The following HNRNPM variants were observed in gnomAD, a reference collection of about 807,000 sequenced individuals.
HNRNPM encodes heterogeneous nuclear ribonucleoprotein M, also known as CEA receptor.
Under a neutral mutation model 73.1 loss-of-function variants are expected in HNRNPM, and 11 were observed. That is an observed-to-expected ratio of 0.15 (90% CI 0.09 to 0.25). The LOEUF (loss-of-function observed/expected upper bound fraction) is 0.25. Ranked by LOEUF, HNRNPM falls within the 10% of genes least tolerant of loss-of-function variation. HNRNPM has a pLI of 1.00. For missense variants in HNRNPM, 789 were observed against 1,067.9 expected, an observed-to-expected ratio of 0.74 and a Z score of 3.64; for synonymous variants, 407 against 355.2, an observed-to-expected ratio of 1.15 and a Z score of -1.64.
At chr19:8,445,221 C>T in intron 1 of HNRNPM, 110 bp downstream of exon 1, 1 of 960,210 alleles carries the variant, frequency 1.0e-6, no homozygotes, top group Non-Finnish European at 1.4e-6. Context: ...GGCCTCGGCC[C>T]CGGCTGTTCC....
At chr19:8,466,540 G>A in intron 7 of HNRNPM, 152 bp downstream of exon 7, 1 of 843,080 alleles carries the variant, frequency 1.2e-6, no homozygotes. Flanking sequence ...GAGGTTCTCT[G>A]GGCCGGACCG....
chr19:8,459,647 CTT>C (rs1236317874), intron 2 of HNRNPM, among the ~76,000 whole-genome samples: 1 of 152,156 alleles, frequency 6.6e-6, no homozygotes, highest in Non-Finnish European at 1.5e-5. Flanking sequence ...TGTATTCCCT[CTT>C]TTTTTCTTTT....
At chr19:8,474,717 T>A (rs1970384475) in intron 12 of HNRNPM, among the ~76,000 whole-genome samples, 1 of 141,838 alleles carries the variant, frequency 7.1e-6, no homozygotes, top group South Asian at 2.2e-4. Context: ...CCACCAACTT[T>A]TTTTTTTTTT....
intron 13 of HNRNPM, among the ~76,000 whole-genome samples, chr19:8,484,764 A>G (rs749102240): frequency 1.3e-5 from 2 of 152,146 alleles, no homozygotes; most frequent in African/African-American, 4.8e-5. Context: ...GAGGCAAGCG[A>G]CAGGGTTTCG....
intron 12 of HNRNPM, among the ~76,000 whole-genome samples, chr19:8,478,757 G>T (rs551127685): frequency 2.0e-5 from 3 of 152,204 alleles, no homozygotes; most frequent in Non-Finnish European, 4.4e-5. Context: ...GGAAACTGCT[G>T]CGTGTACTTG....
At chr19:8,475,571 T>TG (rs1299430868) in intron 12 of HNRNPM, among the ~76,000 whole-genome samples, 1 of 152,168 alleles carries the variant, frequency 6.6e-6, no homozygotes, top group Non-Finnish European at 1.5e-5. Flanking sequence ...CAGGGAGCAG[T>TG]GGGGCATGAT....
Position 8,482,841 on chromosome 19 carries a change from C to T in HNRNPM, c.1121-317C>T, listed in dbSNP as rs895094075. The T allele has an allele frequency of 1.3e-5, 3 of 234,808 alleles. No individual in the cohort carries two copies. In the South Asian group the frequency reaches 2.2e-4, roughly 17 times the overall value. 14.5% of individuals were successfully genotyped at this position (234,808 alleles called of 1,614,324 possible). A position where few individuals can be genotyped will look rare whatever the true frequency, so the allele number is the denominator to read the frequency against. ...TAGAAAACTGCCGCTGAGCGAGACC[C>T]GATGGCCCTCTTCTTGCTCTGGCTC... is the stretch of plus-strand genomic sequence containing the variant. On this transcript the variant is annotated intron_variant, in intron 12 of 15. Coordinates refer to ENST00000325495, the MANE Select transcript of HNRNPM (RefSeq NM_005968.5).
intron 12 of HNRNPM, among the ~76,000 whole-genome samples, chr19:8,475,905 CT>C (rs71175865): frequency 0.026 from 2,916 of 114,290 alleles, 85 homozygotes; most frequent in African/African-American, 0.069. Flanking sequence ...CCATCTCTCT[CT>C]TTTTTTTTTT....
Position 8,448,972 on chromosome 19 carries a change from G to T in HNRNPM, c.113+3861G>T, listed in dbSNP as rs192493116. Reference sequence around the variant, plus strand: ...ACCTGACCTAAAGACTCCAGGGGAGGCCCTCCTGACTCCCAGGCAGCTTGC... The same window carrying T: ...ACCTGACCTAAAGACTCCAGGGGAGTCCCTCCTGACTCCCAGGCAGCTTGC... On this transcript the variant is annotated intron_variant, in intron 1 of 15. Coordinates refer to ENST00000325495, the MANE Select transcript of HNRNPM (RefSeq NM_005968.5). Among the ~76,000 whole-genome samples the T allele has an allele frequency of 1.3e-4, 20 of 152,282 alleles. No individual in the cohort carries two copies. The East Asian group carries it at 1.9e-3, about 15-fold the overall frequency.
At chr19:8,475,013 C>T (rs1970406921) in intron 12 of HNRNPM, among the ~76,000 whole-genome samples, 1 of 152,238 alleles carries the variant, frequency 6.6e-6, no homozygotes. Flanking sequence ...CCGTGCTCGG[C>T]ACCTGCCCCC....
rs1971505425 is a variant in HNRNPM at position 8,488,835 on chromosome 19, G to A, written c.2174G>A (p.Arg725Gln). The A allele has an allele frequency of 1.2e-6, 2 of 1,613,926 alleles. No individual in the cohort carries two copies. The highest frequency in any genetic ancestry group is 8.5e-7 in the Non-Finnish European group (1 of 1,179,886). Residue 725 changes from arginine (R) to glutamine (Q), a missense_variant, in exon 16 of 16, where the codon CGA becomes CAA. Physicochemically the swap from Arg to Gln is conservative, Grantham distance 43. Around this residue, in one of 4 missense-constraint regions of HNRNPM, gnomAD observed 43 missense variants for 105.8 expected, o/e 0.41. Transcript: ENST00000325495. ...MKLSGREIDV[R>Q]IDRNA The stretch of plus-strand genomic sequence containing the variant: ...CTGAGTGGCCGAGAGATTGACGTTC[G>A]AATTGATAGAAACGCTTAAGCAGTT...
chr19:8,452,782 C>G (rs1968719883), intron 1 of HNRNPM, among the ~76,000 whole-genome samples: 1 of 152,190 alleles, frequency 6.6e-6, no homozygotes, highest in Non-Finnish European at 1.5e-5. Context: ...TGGGATACCA[C>G]TTGGCACTCT....
In HNRNPM at chr19:8,455,217, A is replaced by G. The variant is rs556055976; in HGVS notation, c.114-188A>G. 6.6e-5 allele frequency among the ~76,000 whole-genome samples: 10 copies of G among 152,176 alleles called. No homozygotes were observed. The East Asian group carries it at 1.4e-3, about 21-fold the overall frequency. ...GCTAGTCTTGAACTCCTGGCCTCAA[A>G]TGATCCCCCCTTCTTGGCTTCCCAA... On this transcript the variant is annotated intron_variant, in intron 1 of 15. Transcript: ENST00000325495.
Position 8,468,977 on chromosome 19 carries a change from T to C in HNRNPM, c.895+143T>C, listed in dbSNP as rs926380415. 5 of 672,138 alleles carry C rather than the reference T, an allele frequency of 7.4e-6. No individual in the cohort carries two copies. In the South Asian group the frequency reaches 8.5e-5, roughly 11 times the overall value. 41.6% of individuals were successfully genotyped at this position (672,138 alleles called of 1,614,324 possible). Reference sequence around the variant, plus strand: ...GTTCTTTTCTATAGATTTTTCAGGGTGAGAAATGAGCAGAGATTCACAACT... The same window carrying C: ...GTTCTTTTCTATAGATTTTTCAGGGCGAGAAATGAGCAGAGATTCACAACT... On this transcript the variant is annotated intron_variant, in intron 9 of 15. Coordinates refer to ENST00000325495, the MANE Select transcript of HNRNPM (RefSeq NM_005968.5).
At chr19:8,486,761 CTG>C (rs1247131907) in intron 14 of HNRNPM, among the ~76,000 whole-genome samples, 1 of 152,284 alleles carries the variant, frequency 6.6e-6, no homozygotes, top group South Asian at 2.1e-4. Flanking sequence ...TATTTAGTGA[CTG>C]TGGGCTGCGC....
chr19:8,480,092 T>A (rs567632521), intron 12 of HNRNPM, among the ~76,000 whole-genome samples: 4 of 138,564 alleles, frequency 2.9e-5, no homozygotes, highest in African/African-American at 1.0e-4. Context: ...TTTTAAAACT[T>A]ACTGGCCGGG....
chr19:8,465,623 A>G (rs1969691081), intron 6 of HNRNPM, 108 bp downstream of exon 6: 1 of 823,698 alleles, frequency 1.2e-6, no homozygotes, highest in East Asian at 2.8e-5. Context: ...AAATGTAAAG[A>G]AGGGTTTTGT....
chr19:8,469,266 C>T (rs1030287691), intron 9 of HNRNPM, among the ~76,000 whole-genome samples: 8 of 152,098 alleles, frequency 5.3e-5, no homozygotes, highest in African/African-American at 1.9e-4. Context: ...GGATGAACCT[C>T]GATTTCATCT....
At chr19:8,445,759 C>G (rs1489938422) in intron 1 of HNRNPM, among the ~76,000 whole-genome samples, 1 of 152,230 alleles carries the variant, frequency 6.6e-6, no homozygotes, top group Non-Finnish European at 1.5e-5. Flanking sequence ...CGCCGTTTCC[C>G]GCTCCTCCTC....
Sources: gnomAD v4.1 joint callset for allele counts (sites outside exome capture counted in the v4.1 genomes callset) on GRCh38, gnomAD v4.1.1 for gene constraint, gnomAD v4.1.1 regional missense constraint, MANE v1.5 for transcripts, NCBI Gene and HGNC (gene_info 2026-07-23, HGNC 2026-07-21) for gene names.